TMC5: variants seen among roughly 807,000 people sequenced by gnomAD.
The protein encoded by TMC5 is transmembrane channel-like protein 5.
TMC5 carries 86 observed loss-of-function variants against 110.5 expected under a neutral mutation model. That is an observed-to-expected ratio of 0.78 (90% confidence interval 0.65 to 0.93). TMC5 has a LOEUF of 0.93. Ranked by LOEUF, TMC5 falls within the 40% of genes least tolerant of loss-of-function variation. The pLI is 0.00. For missense variants in TMC5, 1,144 were observed against 1,222.8 expected (o/e 0.94, Z 0.96); for synonymous variants, 455 against 439.5 (o/e 1.04, Z -0.44).
At chr16:19,442,990 A>C (rs12934969) in intron 3 of TMC5, among the ~76,000 whole-genome samples, 2 of 152,014 alleles carry the variant, frequency 1.3e-5, no homozygotes, top group African/African-American at 4.8e-5. Context: ...AGGCCACCCA[A>C]CTTCACTTAT....
intron 19 of TMC5, among the ~76,000 whole-genome samples, chr16:19,492,915 G>GATAGATAGATATATATATATATAT (rs58561457): frequency 9.4e-5 from 4 of 42,748 alleles, no homozygotes; most frequent in African/African-American, 2.2e-4. Context: ...TTAAAACTTA[G>GATAGATAGATATATATATATATAT]ATATATATAT....
intron 4 of TMC5, among the ~76,000 whole-genome samples, chr16:19,445,849 G>A (rs1480344125): frequency 2.0e-5 from 3 of 151,746 alleles, no homozygotes; most frequent in South Asian, 2.1e-4. Context: ...TTTTCATTCC[G>A]GGCCTAATTT....
rs536675824 is a variant in TMC5, at chr16:19,472,218, A to G, written c.1913A>G (p.Tyr638Cys). 1.9e-6 allele frequency: 3 copies of G among 1,614,098 alleles called. No individual in the cohort carries two copies. In the African/African-American group the frequency reaches 4.0e-5, roughly 22 times the overall value. ...GCCATAGCCTGCTGTGCAGCCGTTT[A>G]TTACCTGGCTGAGTACAACTTAGAG... ...GVAIACCAAV[Y>C]YLAEYNLEFL... Residue 638 changes from tyrosine (Y) to cysteine (C), a missense_variant, in exon 11 of 22, where the codon TAT (tyrosine) becomes TGT (cysteine). Tyr to Cys is a radical substitution (Grantham distance 194, BLOSUM62 -2). Transcript: ENST00000542583.
In TMC5 at chr16:19,477,989, G is replaced by GTAA. The variant is rs148567364; in HGVS notation, c.2169+472_2169+474dup. Reference sequence around the variant, plus strand: ...ATATGTAAACTCATAAATGCTGGCAGTAACAATTATGTCCTAATGCTGACT... The same window carrying GTAA: ...ATATGTAAACTCATAAATGCTGGCAGTAATAACAATTATGTCCTAATGCTGACT... On this transcript the variant is annotated intron_variant, in intron 13 of 21. Coordinates refer to ENST00000542583, the MANE Select transcript of TMC5 (RefSeq NM_001261841.2). 6.8e-3 allele frequency among the ~76,000 whole-genome samples: 1,039 copies of GTAA among 152,310 alleles called. 11 individuals carry two copies. Among genetic ancestry groups the GTAA allele is most frequent in the African/African-American group, 0.024 (985 of 41,570 alleles).
intron 9 of TMC5, among the ~76,000 whole-genome samples, chr16:19,467,142 CAA>C (rs758104363): frequency 6.9e-6 from 1 of 145,508 alleles, no homozygotes; most frequent in African/African-American, 2.5e-5. Context: ...GATCCTGTTT[CAA>C]AAAAAAAAGA....
At chr16:19,474,028 T>C in intron 11 of TMC5, 97 bp from the exon 12 acceptor site, 1 of 1,171,370 alleles carries the variant, frequency 8.5e-7, no homozygotes, top group South Asian at 1.8e-5. Flanking sequence ...GCAGAGGAGC[T>C]ACTTCTCGGG....
chr16:19,424,212 T>G (rs1281840476), intron 1 of TMC5, among the ~76,000 whole-genome samples: 28 of 152,220 alleles, frequency 1.8e-4, no homozygotes, highest in Admixed American at 1.8e-3. Context: ...GTAGAAGTTT[T>G]TGTGACTTTT....
Position 19,498,083 on chromosome 16 carries a change from C to T in TMC5, c.*117C>T. 2 of 1,035,032 alleles carry T rather than the reference C, an allele frequency of 1.9e-6. No individual in the cohort carries two copies. The highest frequency in any genetic ancestry group is 1.3e-5 in the South Asian group (1 of 74,998). The allele number at this position is 1,035,032 out of a possible 1,614,324, so 64.1% of individuals were successfully genotyped here. On this transcript the variant is annotated 3_prime_UTR_variant, in exon 22 of 22. Transcript: ENST00000542583. ...CCCAGAAGAAAATCCAAGGCTTTAG[C>T]CAGGAGCGGAAACTGACTACCATGT...
chr16:19,430,977 G>A (rs1225226316), intron 2 of TMC5, among the ~76,000 whole-genome samples: 1 of 150,596 alleles, frequency 6.6e-6, no homozygotes, highest in Non-Finnish European at 1.5e-5. Flanking sequence ...TCCTGCCTCA[G>A]CCTCCTGAGT....
chr16:19,465,508 G>A (rs1316035905), intron 8 of TMC5, among the ~76,000 whole-genome samples: 1 of 152,056 alleles, frequency 6.6e-6, no homozygotes, highest in African/African-American at 2.4e-5. Context: ...CAGCCTGAGT[G>A]ACAGAGCGAG....
intron 1 of TMC5, among the ~76,000 whole-genome samples, chr16:19,420,561 A>G (rs991519755): frequency 2.0e-5 from 3 of 152,180 alleles, no homozygotes; most frequent in African/African-American, 7.2e-5. Flanking sequence ...CCTTGTTTCA[A>G]GTCATCATCC....
upstream of TMC5, among the ~76,000 whole-genome samples, chr16:19,416,132 C>T (rs985500361): frequency 3.3e-5 from 5 of 150,754 alleles, no homozygotes; most frequent in Admixed American, 1.3e-4. Flanking sequence ...CTGCAGTGAG[C>T]TATGATTGCA....
intron 5 of TMC5, among the ~76,000 whole-genome samples, chr16:19,457,732 T>TTTTTTTTTTG (rs1967921615): frequency 9.0e-6 from 1 of 110,634 alleles, no homozygotes; most frequent in Non-Finnish European, 1.8e-5. Flanking sequence ...TTTTTTTTTT[T>TTTTTTTTTTG]TTTTTTTTTT....
intron 17 of TMC5, among the ~76,000 whole-genome samples, chr16:19,488,335 G>C (rs945932420): frequency 6.6e-6 from 1 of 152,150 alleles, no homozygotes; most frequent in Non-Finnish European, 1.5e-5. Context: ...CCACCCATCC[G>C]ATGCCCACGG....
chr16:19,474,214 C>T lies in TMC5; in HGVS notation c.2028C>T (p.Ser676=), dbSNP rs1238497184. Reference sequence around the variant, plus strand: ...ATCTGGCCGTGCCATGCATCTACTCCATGTTCAGGCTTGTGGAGAGGTACG... The same window carrying T: ...ATCTGGCCGTGCCATGCATCTACTCTATGTTCAGGCTTGTGGAGAGGTACG... The part of the protein sequence containing the change: ...CINLAVPCIY[S]MFRLVERYEM... Residue 676 remains serine, a synonymous_variant, in exon 12 of 22, where the codon TCC becomes TCT. Transcript: ENST00000542583. 2 of 1,613,984 alleles carry T rather than the reference C, an allele frequency of 1.2e-6. No homozygotes were observed. Among genetic ancestry groups the T allele is most frequent in the African/African-American group, 2.7e-5 (2 of 74,888 alleles).
chr16:19,446,442 T>C (rs901809469), intron 4 of TMC5, among the ~76,000 whole-genome samples: 10 of 152,254 alleles, frequency 6.6e-5, no homozygotes. Flanking sequence ...CATACTGTGC[T>C]ACTCCAGTGC....
rs990816786 is a variant in TMC5, at chr16:19,418,031, T to C, written c.-369T>C. ...AAAGAGGACCTGTTGCCTGTCCCTCTAGCTTTGAACTACAAAGTGGAGGGG... is the reference window on the plus strand; with the variant it reads ...AAAGAGGACCTGTTGCCTGTCCCTCCAGCTTTGAACTACAAAGTGGAGGGG... On this transcript the variant is annotated 5_prime_UTR_variant, in exon 1 of 22. Transcript: ENST00000542583. 2 of 152,150 alleles carry C rather than the reference T, an allele frequency of 1.3e-5. No homozygotes were observed. Among genetic ancestry groups the C allele is most frequent in the African/African-American group, 4.8e-5 (2 of 41,404 alleles). 9.4% of individuals were successfully genotyped at this position (152,150 alleles called of 1,614,324 possible).
rs1226858039 is a variant in TMC5 at position 19,495,008 on chromosome 16, A to ATTTTT, written c.2931+644_2931+645insTTTTT. ...TCTCACTATGAATACTTCAGTGTCT[A>ATTTTT]TTCTTTTTTTTTTTTTTTTTTTTTG... On this transcript the variant is annotated intron_variant, in intron 20 of 21. Coordinates refer to ENST00000542583, the MANE Select transcript of TMC5 (RefSeq NM_001261841.2). Among the ~76,000 whole-genome samples, 8 of 37,132 alleles carry ATTTTT rather than the reference A, an allele frequency of 2.2e-4. 1 individual carries two copies. Among genetic ancestry groups the ATTTTT allele is most frequent in the Non-Finnish European group, 3.8e-4 (7 of 18,608 alleles). The allele number at this position is 37,132 out of a possible 152,430, so 24.4% of individuals were successfully genotyped here. A position where few individuals can be genotyped will look rare whatever the true frequency, so the allele number is the denominator to read the frequency against.
At chr16:19,467,142 CAAAAA>C (rs758104363) in intron 9 of TMC5, among the ~76,000 whole-genome samples, 16 of 145,612 alleles carry the variant, frequency 1.1e-4, no homozygotes, top group Middle Eastern at 3.5e-3. Context: ...GATCCTGTTT[CAAAAA>C]AAAAAGAGAG....
Sources: gnomAD v4.1 joint callset for allele counts (sites outside exome capture counted in the v4.1 genomes callset) on GRCh38, gnomAD v4.1.1 for gene constraint, MANE v1.5 for transcripts, NCBI Gene and HGNC (gene_info 2026-07-23, HGNC 2026-07-21) for gene names.